Variants in LRRC4C observed in about 807,000 individuals in gnomAD.
LRRC4C encodes leucine rich repeat containing 4C, also known as leucine-rich repeat-containing protein 4C.
In LRRC4C, 5 loss-of-function variants were observed where a neutral mutation model predicts 33.6. That is an observed-to-expected ratio of 0.15 (90% CI 0.08 to 0.31). The LOEUF (loss-of-function observed/expected upper bound fraction) is 0.31, where lower values mean the gene tolerates loss of function less well. LRRC4C is among the 10% of genes least tolerant of loss of function. The probability of loss-of-function intolerance (pLI) is 1.00; values close to 1 mark genes in which losing one functional copy is unlikely to be tolerated. For synonymous variants in LRRC4C, 329 were observed against 302.0 expected (o/e 1.09, Z -0.93); for missense variants, 560 against 796.7 (o/e 0.70, Z 3.58).
intron 1 of LRRC4C, among the ~76,000 whole-genome samples, chr11:41,114,930 T>C (rs1942036484): frequency 6.6e-6 from 1 of 152,034 alleles, no homozygotes; most frequent in Non-Finnish European, 1.5e-5. Context: ...GATGAAATTA[T>C]GCCTGGAATT....
intron 3 of LRRC4C, among the ~76,000 whole-genome samples, chr11:40,537,121 C>A (rs1371827356): frequency 6.6e-6 from 1 of 152,194 alleles, no homozygotes; most frequent in South Asian, 2.1e-4. Context: ...AATATATGAC[C>A]TTCAATAACA....
chr11:41,179,185 CTTTTT>C (rs556167987), intron 1 of LRRC4C, among the ~76,000 whole-genome samples: 1 of 136,550 alleles, frequency 7.3e-6, no homozygotes, highest in African/African-American at 2.7e-5. Context: ...CCTCAAGCCT[CTTTTT>C]TTTTTTTTTT....
chr11:40,337,476 G>A (rs749963291), intron 3 of LRRC4C, among the ~76,000 whole-genome samples: 16 of 152,152 alleles, frequency 1.1e-4, no homozygotes, highest in Non-Finnish European at 2.4e-4. Context: ...TCTTATGTCA[G>A]TGTTTTTGCT....
intron 2 of LRRC4C, among the ~76,000 whole-genome samples, chr11:40,683,164 T>C (rs1040294656): frequency 1.1e-4 from 16 of 152,176 alleles, no homozygotes; most frequent in African/African-American, 3.9e-4. Flanking sequence ...CAGCAAAGGC[T>C]TGATGCGAAG....
intron 5 of LRRC4C, among the ~76,000 whole-genome samples, chr11:40,191,313 T>C (rs1025100507): frequency 6.6e-6 from 1 of 152,238 alleles, no homozygotes; most frequent in Non-Finnish European, 1.5e-5. Flanking sequence ...TCTCAAATTG[T>C]ATTCTACTTT....
chr11:41,119,268 C>A (rs1404044000), intron 1 of LRRC4C, among the ~76,000 whole-genome samples: 2 of 152,064 alleles, frequency 1.3e-5, no homozygotes, highest in African/African-American at 4.8e-5. Context: ...TGTGAGATAG[C>A]TACTGCAATC....
At chr11:41,434,953 T>C (rs1322570941) in intron 1 of LRRC4C, among the ~76,000 whole-genome samples, 5 of 152,112 alleles carry the variant, frequency 3.3e-5, no homozygotes, top group African/African-American at 1.2e-4. Flanking sequence ...CTGGATGCAT[T>C]TTACAGTTAA....
At chr11:40,912,402 A>T (rs564653266) in intron 2 of LRRC4C, among the ~76,000 whole-genome samples, 20 of 152,360 alleles carry the variant, frequency 1.3e-4, no homozygotes, top group Middle Eastern at 3.4e-3. Flanking sequence ...CAACATTCTT[A>T]AAGAAAAGAA....
At chr11:40,938,788 G>T (rs1024000619) in intron 1 of LRRC4C, among the ~76,000 whole-genome samples, 1 of 152,086 alleles carries the variant, frequency 6.6e-6, no homozygotes, top group African/African-American at 2.4e-5. Context: ...ATCCTTAAAT[G>T]AAGGGAATTA....
At chr11:40,480,701 C>A (rs765564474) in intron 3 of LRRC4C, among the ~76,000 whole-genome samples, 1 of 151,680 alleles carries the variant, frequency 6.6e-6, no homozygotes, top group African/African-American at 2.4e-5. Flanking sequence ...TATATATACA[C>A]GCAATAGAAT....
At chr11:41,351,816 A>G (rs1192176048) in intron 1 of LRRC4C, among the ~76,000 whole-genome samples, 1 of 152,230 alleles carries the variant, frequency 6.6e-6, no homozygotes, top group Non-Finnish European at 1.5e-5. Flanking sequence ...AATATTTTTC[A>G]GACTTTCACT....
intron 2 of LRRC4C, among the ~76,000 whole-genome samples, chr11:40,885,691 T>A (rs1317976997): frequency 2.6e-5 from 4 of 152,108 alleles, no homozygotes; most frequent in Non-Finnish European, 5.9e-5. Flanking sequence ...GTAAGGTAGA[T>A]TTTTGGAGTA....
intron 3 of LRRC4C, among the ~76,000 whole-genome samples, chr11:40,546,097 C>A: frequency 1.1e-5 from 1 of 89,494 alleles, no homozygotes; most frequent in Admixed American, 1.1e-4. Flanking sequence ...TTCCTTCCTT[C>A]CTTCCTTCCT....
intron 1 of LRRC4C, among the ~76,000 whole-genome samples, chr11:41,204,814 A>G (rs1946534159): frequency 6.6e-6 from 1 of 152,140 alleles, no homozygotes; most frequent in Non-Finnish European, 1.5e-5. Flanking sequence ...ACAATATTGT[A>G]CCTTCAAAAT....
chr11:40,965,713 G>T (rs1243353109), intron 1 of LRRC4C, among the ~76,000 whole-genome samples: 2 of 152,042 alleles, frequency 1.3e-5, no homozygotes, highest in African/African-American at 4.8e-5. Context: ...GTTCTGTTCT[G>T]TTCCATTGGT....
At chr11:40,778,515 C>G (rs939349913) in intron 2 of LRRC4C, among the ~76,000 whole-genome samples, 1 of 152,030 alleles carries the variant, frequency 6.6e-6, no homozygotes, top group Non-Finnish European at 1.5e-5. Context: ...GCTTTAACCT[C>G]TATACTTTAA....
intron 5 of LRRC4C, among the ~76,000 whole-genome samples, chr11:40,161,475 C>T (rs1243482899): frequency 1.3e-5 from 2 of 152,050 alleles, no homozygotes; most frequent in African/African-American, 2.4e-5. Flanking sequence ...TAGAGGAGGC[C>T]GGGCACGGTC....
At chr11:41,148,800 C>T (rs1361930220) in intron 1 of LRRC4C, among the ~76,000 whole-genome samples, 1 of 152,008 alleles carries the variant, frequency 6.6e-6, no homozygotes, top group East Asian at 1.9e-4. Flanking sequence ...ATGGCATTTA[C>T]CTGATAGGGT....
chr11:41,187,910 C>G (rs1026046509), intron 1 of LRRC4C, among the ~76,000 whole-genome samples: 1 of 152,182 alleles, frequency 6.6e-6, no homozygotes, highest in African/African-American at 2.4e-5. Flanking sequence ...GAACTTTTCT[C>G]GTTTCAGCAG....
Sources: gnomAD v4.1 joint callset for allele counts (sites outside exome capture counted in the v4.1 genomes callset) on GRCh38, gnomAD v4.1.1 for gene constraint, MANE v1.5 for transcripts, NCBI Gene and HGNC (gene_info 2026-07-23, HGNC 2026-07-21) for gene names.